The following SEC24B variants were observed in gnomAD, a reference collection of about 807,000 sequenced individuals.
SEC24B encodes protein transport protein Sec24B.
SEC24B carries 45 observed loss-of-function variants against 142.8 expected under a neutral mutation model. The observed-to-expected ratio is 0.32, with a 90% CI of 0.25 to 0.40. SEC24B has a LOEUF of 0.40. Among genes scored for constraint, SEC24B ranks in the 10% least tolerant of loss-of-function variants. The pLI, the probability that SEC24B is intolerant of heterozygous loss-of-function variation, is 1.00. For synonymous variants in SEC24B, 574 were observed against 568.2 expected, an observed-to-expected ratio of 1.01 and a Z score of -0.15; for missense variants, 1,409 against 1,526.8, an observed-to-expected ratio of 0.92 and a Z score of 1.29.
In SEC24B at chr4:109,463,377, G is replaced by C. The variant is rs1228073377; in HGVS notation, c.610G>C (p.Gly204Arg). Residue 204 changes from glycine (G) to arginine (R), a missense_variant, in exon 2 of 24, where the codon GGT (glycine) becomes CGT (arginine). By Grantham distance (125) the Gly-to-Arg change is moderately radical (BLOSUM62 -2). Coordinates refer to ENST00000265175, the MANE Select transcript of SEC24B (RefSeq NM_006323.5). ...PSVSYPSLPA[G>R]DTYGQMFTSQ... Reference sequence around the variant, plus strand: ...TGTTTCATATCCCTCTCTGCCTGCTGGTGATACATATGGGCAAATGTTTAC... The same window carrying C: ...TGTTTCATATCCCTCTCTGCCTGCTCGTGATACATATGGGCAAATGTTTAC... 1 of 1,614,106 alleles carries C rather than the reference G, an allele frequency of 6.2e-7. No individual in the cohort carries two copies. Among genetic ancestry groups the C allele is most frequent in the Non-Finnish European group, 8.5e-7 (1 of 1,180,024 alleles).
In SEC24B at chr4:109,463,314, T is replaced by G. The variant is rs1731501332; in HGVS notation, c.547T>G (p.Tyr183Asp). The G allele has an allele frequency of 2.5e-6, 4 of 1,614,110 alleles. No homozygotes were observed. Among genetic ancestry groups the G allele is most frequent in the Non-Finnish European group, 3.4e-6 (4 of 1,180,052 alleles). Residue 183 changes from tyrosine to aspartate, a missense_variant, in exon 2 of 24, where the codon TAT (tyrosine) becomes GAT (aspartate). This residue lies in a region of SEC24B where 709 missense variants were observed against 673.5 expected (regional missense o/e 1.05). Coordinates refer to ENST00000265175, the MANE Select transcript of SEC24B (RefSeq NM_006323.5). ...SQGFPSTCGH[Y>D]AMSTVSNAAY... Reference sequence around the variant, plus strand: ...GGGATTTCCCTCTACTTGTGGTCATTATGCTATGTCAACTGTTTCTAATGC... The same window carrying G: ...GGGATTTCCCTCTACTTGTGGTCATGATGCTATGTCAACTGTTTCTAATGC...
At chr4:109,434,644 C>T (rs962068330) in intron 1 of SEC24B, among the ~76,000 whole-genome samples, 1 of 152,216 alleles carries the variant, frequency 6.6e-6, no homozygotes, top group African/African-American at 2.4e-5. Context: ...ACTGTCATTG[C>T]CGCTGCGGCT....
At chr4:109,504,024 A>G (rs1736439832) in intron 6 of SEC24B, among the ~76,000 whole-genome samples, 1 of 151,962 alleles carries the variant, frequency 6.6e-6, no homozygotes, top group Admixed American at 6.6e-5. Flanking sequence ...CTGATTTTTT[A>G]CAGCTCTACA....
intron 9 of SEC24B, among the ~76,000 whole-genome samples, chr4:109,513,073 C>T (rs1738723332): frequency 6.8e-6 from 1 of 146,546 alleles, no homozygotes; most frequent in African/African-American, 2.5e-5. Flanking sequence ...CTCCCGGGTT[C>T]AAGCAATTCT....
intron 4 of SEC24B, among the ~76,000 whole-genome samples, chr4:109,489,022 AT>A (rs745909505): frequency 3.3e-5 from 5 of 152,112 alleles, no homozygotes; most frequent in Admixed American, 1.3e-4. Flanking sequence ...CAGATATATG[AT>A]TTGCAAATAT....
chr4:109,459,100 A>C (rs1401801352), intron 1 of SEC24B, among the ~76,000 whole-genome samples: 1 of 152,220 alleles, frequency 6.6e-6, no homozygotes, highest in Non-Finnish European at 1.5e-5. Context: ...TACATAATGC[A>C]CTGTGTTGCT....
chr4:109,518,647 A>T (rs1034167865), intron 11 of SEC24B, among the ~76,000 whole-genome samples: 1 of 152,122 alleles, frequency 6.6e-6, no homozygotes, highest in East Asian at 1.9e-4. Context: ...GGTGTTTGTT[A>T]CTAAGAGTTT....
chr4:109,538,861 T>C (rs1725851423), intron 23 of SEC24B, among the ~76,000 whole-genome samples: 1 of 152,196 alleles, frequency 6.6e-6, no homozygotes, highest in Non-Finnish European at 1.5e-5. Flanking sequence ...CACAGTTCAC[T>C]GCAGCCTGGA....
At chr4:109,434,139 G>C in intron 1 of SEC24B, 137 bp downstream of exon 1, 1 of 538,946 alleles carries the variant, frequency 1.9e-6, no homozygotes, top group South Asian at 8.0e-5. Context: ...AGCGGGCGCG[G>C]TGCGGAGGCC....
At chr4:109,528,633 A>AC (rs1724534818) in intron 18 of SEC24B, among the ~76,000 whole-genome samples, 1 of 152,130 alleles carries the variant, frequency 6.6e-6, no homozygotes, top group Non-Finnish European at 1.5e-5. Context: ...TATGCATTTG[A>AC]CACATAACCA....
At chr4:109,495,624 A>G (rs915781130) in intron 6 of SEC24B, among the ~76,000 whole-genome samples, 1 of 152,150 alleles carries the variant, frequency 6.6e-6, no homozygotes, top group Non-Finnish European at 1.5e-5. Flanking sequence ...TAGTTGTGAC[A>G]TTTACATGAG....
chr4:109,491,861 C>T (rs1735052922), intron 5 of SEC24B, among the ~76,000 whole-genome samples: 2 of 152,046 alleles, frequency 1.3e-5, no homozygotes. Context: ...GTTTTGGAGA[C>T]ATCACTTTTA....
intron 14 of SEC24B, among the ~76,000 whole-genome samples, 161 bp downstream of exon 14, chr4:109,521,787 A>G (rs893938294): frequency 2.6e-5 from 4 of 152,240 alleles, no homozygotes; most frequent in South Asian, 2.1e-4. Flanking sequence ...GCTGGAGCGC[A>G]GTGGCGCGAT....
intron 6 of SEC24B, among the ~76,000 whole-genome samples, chr4:109,501,072 C>G (rs1361135996): frequency 6.6e-6 from 1 of 152,302 alleles, no homozygotes; most frequent in East Asian, 1.9e-4. Flanking sequence ...ACTGACTCAC[C>G]CAGAGCAACT....
At chr4:109,447,393 C>G (rs939857924) in intron 1 of SEC24B, among the ~76,000 whole-genome samples, 9 of 152,176 alleles carry the variant, frequency 5.9e-5, no homozygotes, top group Non-Finnish European at 1.2e-4. Flanking sequence ...TCAGAAGCCT[C>G]TAAAAGACAG....
chr4:109,454,703 C>T (rs571595734), intron 1 of SEC24B, among the ~76,000 whole-genome samples: 137 of 152,306 alleles, frequency 9.0e-4, no homozygotes, highest in African/African-American at 3.2e-3. Flanking sequence ...TTCCCCAAGG[C>T]AGGTCATAGA....
At chr4:109,522,675 T>C (rs1054512393) in intron 14 of SEC24B, among the ~76,000 whole-genome samples, 1 of 152,218 alleles carries the variant, frequency 6.6e-6, no homozygotes, top group Admixed American at 6.5e-5. Flanking sequence ...GAGAAAAGCA[T>C]AAATCACCAA....
intron 4 of SEC24B, among the ~76,000 whole-genome samples, chr4:109,488,047 C>A (rs1734566495): frequency 6.6e-6 from 1 of 151,490 alleles, no homozygotes; most frequent in Non-Finnish European, 1.5e-5. Flanking sequence ...GTAGTTATTT[C>A]TTGATATATA....
intron 6 of SEC24B, among the ~76,000 whole-genome samples, chr4:109,505,610 C>G (rs997598879): frequency 6.6e-6 from 1 of 152,134 alleles, no homozygotes; most frequent in Non-Finnish European, 1.5e-5. Context: ...GAAGTAATAA[C>G]AGCACACTAG....
Sources: gnomAD v4.1 joint callset for allele counts (sites outside exome capture counted in the v4.1 genomes callset) on GRCh38, gnomAD v4.1.1 for gene constraint, gnomAD v4.1.1 regional missense constraint, MANE v1.5 for transcripts, NCBI Gene and HGNC (gene_info 2026-07-23, HGNC 2026-07-21) for gene names.